The following PTPRF variants were observed in gnomAD, a reference collection of about 807,000 sequenced individuals.
PTPRF encodes the protein receptor-type tyrosine-protein phosphatase F.
In PTPRF, 59 loss-of-function variants were observed where a neutral mutation model predicts 201.8. The ratio of observed to expected loss-of-function variants is 0.29; its 90% CI spans 0.24 to 0.36. PTPRF has a LOEUF of 0.36. PTPRF is among the 10% of genes least tolerant of loss of function. PTPRF has a pLI of 1.00. For synonymous variants in PTPRF, 1,088 were observed against 1,089.7 expected, an observed-to-expected ratio of 1.00 and a Z score of 0.03; for missense variants, 2,132 against 2,690.5, an observed-to-expected ratio of 0.79 and a Z score of 4.59.
At position 43,575,593 on chromosome 1, in the gene PTPRF, C is replaced by G. The variant is rs140147617; in HGVS notation, c.569-3217C>G. 8.3e-4 allele frequency among the ~76,000 whole-genome samples: 126 copies of G among 152,212 alleles called. No homozygotes were observed. In the East Asian group the frequency reaches 0.023, roughly 28 times the overall value. On this transcript the variant is annotated intron_variant, in intron 6 of 33. Transcript: ENST00000359947. ...TACCTCTTTTCTTCACCTTCCCCCT[C>G]CATTGGCCCCAGCCAGTGGGGTCTG...
intron 2 of PTPRF, among the ~76,000 whole-genome samples, chr1:43,539,188 G>A (rs547986188): frequency 6.6e-6 from 1 of 152,320 alleles, no homozygotes; most frequent in African/African-American, 2.4e-5. Flanking sequence ...AAGTGATGAG[G>A]TCTTACTAAC....
Position 43,617,451 on chromosome 1 carries a change from G to T in PTPRF, c.4078G>T (p.Asp1360Tyr). The change falls in exon 24 of 34, where the codon GAC becomes TAC. Residue 1360 changes from aspartate (D) to tyrosine (Y), a missense_variant. Asp to Tyr is a radical substitution (Grantham distance 160). Transcript: ENST00000359947. ...CTTTCTCCATTCTCTGCAGTCCATC[G>T]ACCCTGGACAGCAGTTCACGTGGGA... is the stretch of plus-strand genomic sequence containing the variant. ...LKFSQEYESIDPGQQFTWENS... is the reference protein window; with the variant it reads ...LKFSQEYESIYPGQQFTWENS... The T allele has an allele frequency of 6.2e-7, 1 of 1,614,090 alleles. No individual in the cohort carries two copies. The highest frequency in any genetic ancestry group is 1.3e-5 in the African/African-American group (1 of 75,012).
At chr1:43,529,299 C>A (rs1643255564), upstream of PTPRF, among the ~76,000 whole-genome samples, 1 of 152,170 alleles carries the variant, frequency 6.6e-6, no homozygotes, top group African/African-American at 2.4e-5. Context: ...CCTCATACGC[C>A]AGGGGGCGCA....
In PTPRF at chr1:43,534,055, C is replaced by G. The variant is rs188445082; in HGVS notation, c.-126+2965C>G. On this transcript the variant is annotated intron_variant, in intron 1 of 33. Coordinates refer to ENST00000359947, the MANE Select transcript of PTPRF (RefSeq NM_002840.5). ...GTTCGGAGGTCAGGGTGAGGTGAGT[C>G]CCAGAGGAGACCAAGAAGAAGTGAT... Among the ~76,000 whole-genome samples, 196 of 150,974 alleles carry G rather than the reference C, an allele frequency of 1.3e-3. 2 individuals carry two copies. In the South Asian group the frequency reaches 0.019, roughly 15 times the overall value.
At chr1:43,615,134 C>T (rs1458858844) in intron 23 of PTPRF, among the ~76,000 whole-genome samples, 1 of 152,196 alleles carries the variant, frequency 6.6e-6, no homozygotes, top group Non-Finnish European at 1.5e-5. Flanking sequence ...ATTGCCTTTC[C>T]CAAGGGCTGT....
At chr1:43,581,047 G>A (rs1647470546) in intron 7 of PTPRF, among the ~76,000 whole-genome samples, 1 of 152,242 alleles carries the variant, frequency 6.6e-6, no homozygotes, top group South Asian at 2.1e-4. Flanking sequence ...AGAGCAGTGG[G>A]TCTCTTTGGA....
chr1:43,540,319 G>A (rs1335350668), intron 2 of PTPRF, among the ~76,000 whole-genome samples: 2 of 152,138 alleles, frequency 1.3e-5, no homozygotes, highest in East Asian at 3.9e-4. Context: ...GTACAAACCT[G>A]GAAAATTGGG....
At chr1:43,552,778 C>T (rs1557693048) in intron 3 of PTPRF, among the ~76,000 whole-genome samples, 1 of 152,068 alleles carries the variant, frequency 6.6e-6, no homozygotes, top group Non-Finnish European at 1.5e-5. Context: ...TGTGGCAGTG[C>T]CATGTCTGAG....
chr1:43,575,910 G>A (rs749664624), intron 6 of PTPRF: 1 of 1,364,090 alleles, frequency 7.3e-7, no homozygotes, highest in South Asian at 1.1e-5. Context: ...ACCTCGCCAG[G>A]TGGTTCACCA....
At chr1:43,528,273 C>G (rs1416510896), upstream of PTPRF, among the ~76,000 whole-genome samples, 5 of 152,204 alleles carry the variant, frequency 3.3e-5, no homozygotes, top group African/African-American at 1.2e-4. Flanking sequence ...ACTGCAACCT[C>G]TGCCTTCCAG....
At chr1:43,568,065 G>A (rs1045475984) in intron 5 of PTPRF, among the ~76,000 whole-genome samples, 4 of 152,138 alleles carry the variant, frequency 2.6e-5, no homozygotes, top group Non-Finnish European at 4.4e-5. Flanking sequence ...GGAGGCCGAG[G>A]CGGGTAGATC....
chr1:43,616,723 C>T (rs990018396), intron 23 of PTPRF, among the ~76,000 whole-genome samples: 9 of 152,014 alleles, frequency 5.9e-5, no homozygotes, highest in Middle Eastern at 3.2e-3. Context: ...GAAAGGACTG[C>T]GGTTGAAGGA....
intron 7 of PTPRF, chr1:43,582,436 G>A (rs1647936069): frequency 6.6e-6 from 1 of 152,438 alleles, no homozygotes; most frequent in South Asian, 2.1e-4. Flanking sequence ...GACTCTCCCT[G>A]AGTGACTCAT....
intron 7 of PTPRF, chr1:43,579,744 C>G (rs1264346240): frequency 1.3e-5 from 2 of 156,580 alleles, no homozygotes; most frequent in African/African-American, 4.8e-5. Flanking sequence ...ATACTGTCCC[C>G]TCACCTAGCC....
chr1:43,616,935 A>G (rs1035635172), intron 23 of PTPRF, among the ~76,000 whole-genome samples: 4 of 152,064 alleles, frequency 2.6e-5, no homozygotes, highest in Non-Finnish European at 4.4e-5. Flanking sequence ...AGGGCAGGGG[A>G]GAGAGAGGAA....
intron 5 of PTPRF, among the ~76,000 whole-genome samples, chr1:43,564,357 G>A (rs1032828338): frequency 2.6e-5 from 4 of 152,176 alleles, no homozygotes; most frequent in Non-Finnish European, 4.4e-5. Flanking sequence ...GGAGCCAGCA[G>A]CCCTGCCACC....
chr1:43,605,003 G>C lies in PTPRF; in HGVS notation c.3135+3G>C, dbSNP rs748319882. 3 of 1,613,242 alleles carry C rather than the reference G, an allele frequency of 1.9e-6. No individual in the cohort carries two copies. Among genetic ancestry groups the C allele is most frequent in the Non-Finnish European group, 2.5e-6 (3 of 1,179,498 alleles). ...ATAAGTCAGCTGTGCCCTTTAAGGT[G>C]AGTAAGGGCCACGGCCAGCTGAGCC... On this transcript the variant is annotated splice_donor_region_variant and intron_variant, in intron 17 of 33. Transcript: ENST00000359947.
Position 43,583,164 on chromosome 1 carries a change from G to A in PTPRF, c.679+4244G>A, listed in dbSNP as rs879139714. ...GGGACACGCCTGTCAGTAGGGCCCA[G>A]CGGGCTCGGTCAGCTCCCTCAGGCT... On this transcript the variant is annotated intron_variant, in intron 7 of 33. Transcript: ENST00000359947. The A allele has an allele frequency of 3.2e-5, 30 of 940,090 alleles. No individual in the cohort carries two copies. In the South Asian group the frequency reaches 1.4e-3, roughly 43 times the overall value. The allele number at this position is 940,090 out of a possible 1,614,324, so 58.2% of individuals were successfully genotyped here. A position where few individuals can be genotyped will look rare whatever the true frequency, so the allele number is the denominator to read the frequency against.
intron 2 of PTPRF, among the ~76,000 whole-genome samples, chr1:43,540,246 G>A (rs1398809708): frequency 6.6e-6 from 1 of 152,130 alleles, no homozygotes; most frequent in African/African-American, 2.4e-5. Context: ...ATGTCCCATG[G>A]GGGCAAAATT....
Sources: allele counts gnomAD v4.1 joint callset (sites outside exome capture counted in the v4.1 genomes callset), GRCh38; gene constraint gnomAD v4.1.1; transcripts MANE v1.5; gene names NCBI Gene and HGNC (gene_info 2026-07-23, HGNC 2026-07-21).